ZC3H13: variants seen among roughly 807,000 people sequenced by gnomAD.
ZC3H13 encodes the protein zinc finger CCCH domain-containing protein 13.
Under a neutral mutation model 204.1 loss-of-function variants are expected in ZC3H13, and 64 were observed. The observed-to-expected ratio is 0.31, with a 90% CI of 0.26 to 0.39. The LOEUF is 0.39. ZC3H13 is among the 10% of genes least tolerant of loss of function. The pLI is 1.00. For missense variants in ZC3H13, 1,833 were observed against 2,082.7 expected (o/e 0.88, Z 2.33); for synonymous variants, 667 against 693.7 (o/e 0.96, Z 0.60).
intron 1 of ZC3H13, among the ~76,000 whole-genome samples, chr13:46,050,228 A>G (rs914680302): frequency 3.3e-5 from 5 of 152,172 alleles, no homozygotes; most frequent in Admixed American, 1.3e-4. Flanking sequence ...TTGCCCCGAG[A>G]AACTTAGAAT....
intron 5 of ZC3H13, among the ~76,000 whole-genome samples, chr13:46,014,447 G>A (rs2041787589): frequency 6.6e-6 from 1 of 151,990 alleles, no homozygotes; most frequent in Admixed American, 6.6e-5. Flanking sequence ...AATAATCATA[G>A]ATATATAAAA....
At chr13:45,957,426 T>C in intron 18 of ZC3H13, 129 bp from the exon 19 acceptor site, 1 of 974,350 alleles carries the variant, frequency 1.0e-6, no homozygotes, top group Non-Finnish European at 1.3e-6. Flanking sequence ...AAATTAGCTT[T>C]ATTGGATTTC....
intron 8 of ZC3H13, among the ~76,000 whole-genome samples, chr13:45,994,622 C>T (rs1203142587): frequency 1.3e-5 from 2 of 152,092 alleles, no homozygotes; most frequent in Non-Finnish European, 2.9e-5. Flanking sequence ...GTATTCCTGC[C>T]GCACGCATGT....
rs138803313 is a variant in ZC3H13, at chr13:45,954,569, A to G, written c.*2558T>C. On this transcript the variant is annotated 3_prime_UTR_variant, in exon 19 of 19. Coordinates refer to ENST00000679008, the MANE Select transcript of ZC3H13 (RefSeq NM_001330564.2). ...CAATATTTAGAAAGATGGCTATATAATTTTAGCTAGGAAAATCAGTAAAAG... is the reference window on the plus strand; with the variant it reads ...CAATATTTAGAAAGATGGCTATATAGTTTTAGCTAGGAAAATCAGTAAAAG... 24 of 152,342 alleles carry G rather than the reference A, an allele frequency of 1.6e-4. No individual in the cohort carries two copies. Among genetic ancestry groups the G allele is most frequent in the African/African-American group, 5.8e-4 (24 of 41,592 alleles). The allele number at this position is 152,342 out of a possible 1,614,324, so 9.4% of individuals were successfully genotyped here.
At chr13:45,959,901 G>A (rs7989605) in intron 17 of ZC3H13, among the ~76,000 whole-genome samples, 113,745 of 151,750 alleles carry the variant, frequency 0.75, 43,111 homozygotes, top group African/African-American at 0.85. Flanking sequence ...GACTGTATGT[G>A]GATCTCAAGG....
chr13:45,979,716 GTA>G, intron 11 of ZC3H13, 95 bp downstream of exon 11: 4 of 1,222,342 alleles, frequency 3.3e-6, no homozygotes, highest in Non-Finnish European at 4.5e-6. Context: ...AAGCCTTAAA[GTA>G]TATTTTATAT....
chr13:46,016,238 GAT>G (rs2138741334), intron 5 of ZC3H13, among the ~76,000 whole-genome samples: 1 of 152,178 alleles, frequency 6.6e-6, no homozygotes, highest in South Asian at 2.1e-4. Flanking sequence ...AAGAGAAATT[GAT>G]ATGTGTCTGT....
chr13:45,980,943 T>C (rs559492166), intron 10 of ZC3H13, among the ~76,000 whole-genome samples: 32 of 152,326 alleles, frequency 2.1e-4, no homozygotes, highest in South Asian at 8.3e-4. Flanking sequence ...CCAATGTCAA[T>C]TGTTTGGTTT....
In ZC3H13 at chr13:46,042,425, A is replaced by G; in HGVS notation, c.228-150T>C. On this transcript the variant is annotated intron_variant, in intron 3 of 18. Coordinates refer to ENST00000679008, the MANE Select transcript of ZC3H13 (RefSeq NM_001330564.2). ...TTTTCTAACTGACCTTGACTCCTGA[A>G]TTTCTGAAAAATTTCACCTTAAATA... 3 of 513,842 alleles carry G rather than the reference A, an allele frequency of 5.8e-6. 1 individual carries two copies. The East Asian group carries it at 9.6e-5, about 17-fold the overall frequency. 31.8% of individuals were successfully genotyped at this position (513,842 alleles called of 1,614,324 possible). A position where few individuals can be genotyped will look rare whatever the true frequency, so the allele number is the denominator to read the frequency against.
At chr13:45,979,290 T>G (rs914204466) in intron 11 of ZC3H13, among the ~76,000 whole-genome samples, 1 of 152,110 alleles carries the variant, frequency 6.6e-6, no homozygotes, top group African/African-American at 2.4e-5. Flanking sequence ...TTAAGACATA[T>G]AAGAACGTAA....
chr13:45,981,136 T>G (rs547630504), intron 10 of ZC3H13, among the ~76,000 whole-genome samples: 2 of 152,180 alleles, frequency 1.3e-5, no homozygotes, highest in Non-Finnish European at 2.9e-5. Flanking sequence ...GAAACAGTAC[T>G]GGGGCTGTGA....
chr13:46,011,407 T>C lies in ZC3H13; in HGVS notation c.588+8A>G, dbSNP rs1419208684. The C allele has an allele frequency of 2.5e-6, 4 of 1,600,376 alleles. No individual in the cohort carries two copies. The highest frequency in any genetic ancestry group is 3.5e-5 in the Admixed American group (2 of 57,176). On this transcript the variant is annotated splice_region_variant and intron_variant, in intron 6 of 18. Transcript: ENST00000679008. ...GTACTAACATATTTATTGCAATAAA[T>C]AGCATACCTCCTTTTTAATGATAAT...
Position 46,052,417 on chromosome 13 carries a change from T to A in ZC3H13, c.-23A>T. 1 of 396,900 alleles carries A rather than the reference T, an allele frequency of 2.5e-6. No individual in the cohort carries two copies. Among genetic ancestry groups the A allele is most frequent in the Non-Finnish European group, 4.4e-6 (1 of 225,612 alleles). 24.6% of individuals were successfully genotyped at this position (396,900 alleles called of 1,614,324 possible). A position where few individuals can be genotyped will look rare whatever the true frequency, so the allele number is the denominator to read the frequency against. On this transcript the variant is annotated 5_prime_UTR_variant, in exon 1 of 19. Transcript: ENST00000679008. ...CAGAACGCTTACTTCCTCCCCAAGC[T>A]CCCTTCGCAAGTGCAGTCCGGAGGC...
At chr13:46,035,343 G>A (rs1209864998) in intron 4 of ZC3H13, among the ~76,000 whole-genome samples, 1 of 152,192 alleles carries the variant, frequency 6.6e-6, no homozygotes, top group African/African-American at 2.4e-5. Context: ...CTGAATTCCT[G>A]ACAGAATTTG....
chr13:46,006,751 T>C (rs1468783276), intron 7 of ZC3H13, among the ~76,000 whole-genome samples: 1 of 137,108 alleles, frequency 7.3e-6, no homozygotes, highest in African/African-American at 2.7e-5. Flanking sequence ...TCAAAATTGC[T>C]GGCAATATTT....
At chr13:45,988,715 T>C (rs2039739604) in intron 9 of ZC3H13, 72 bp downstream of exon 9, 1 of 1,501,156 alleles carries the variant, frequency 6.7e-7, no homozygotes, top group Non-Finnish European at 9.0e-7. Flanking sequence ...AAAGTCTTTC[T>C]CCATCTCTTA....
At chr13:45,970,842 G>A (rs767042998) in intron 12 of ZC3H13, among the ~76,000 whole-genome samples, 1 of 152,160 alleles carries the variant, frequency 6.6e-6, no homozygotes, top group Non-Finnish European at 1.5e-5. Flanking sequence ...GCCTTATGCT[G>A]CAGAGCTGAA....
At chr13:45,970,020 T>C (rs377564289) in intron 13 of ZC3H13, 49 bp from the exon 14 acceptor site, 2 of 1,543,650 alleles carry the variant, frequency 1.3e-6, no homozygotes, top group Non-Finnish European at 8.7e-7. Flanking sequence ...TAGTAACCAC[T>C]GCATGGTACA....
intron 8 of ZC3H13, among the ~76,000 whole-genome samples, chr13:45,990,263 C>T (rs1439209585): frequency 1.3e-5 from 2 of 152,116 alleles, no homozygotes; most frequent in African/African-American, 2.4e-5. Context: ...GCCAAATGTC[C>T]TCTACCAGGC....
Sources: allele counts gnomAD v4.1 joint callset (sites outside exome capture counted in the v4.1 genomes callset), GRCh38; gene constraint gnomAD v4.1.1; transcripts MANE v1.5; gene names NCBI Gene and HGNC (gene_info 2026-07-23, HGNC 2026-07-21).